EPHA6: variants seen among roughly 807,000 people sequenced by gnomAD.
EPHA6 encodes the protein ephrin type-A receptor 6.
Under a neutral mutation model 112.0 loss-of-function variants are expected in EPHA6, and 50 were observed. The observed-to-expected ratio is 0.45, with a 90% confidence interval of 0.36 to 0.56. The LOEUF (loss-of-function observed/expected upper bound fraction) is 0.56, where lower values mean the gene tolerates loss of function less well. Ranked by LOEUF, EPHA6 falls within the 20% of genes least tolerant of loss-of-function variation. The pLI is 0.00. For missense variants in EPHA6, 1,280 were observed against 1,417.4 expected (o/e 0.90, Z 1.56); for synonymous variants, 529 against 490.7 (o/e 1.08, Z -1.03).
rs2035973206 is a variant in EPHA6, at chr3:97,754,317, A to AC, written c.*5618dup. ...TGGTTAGGCTGGTCTCGAACTCCCGACCTCAGGTGATCTGCCCGCCTCAGC... is the reference window on the plus strand; with the variant it reads ...TGGTTAGGCTGGTCTCGAACTCCCGACCCTCAGGTGATCTGCCCGCCTCAGC... On this transcript the variant is annotated 3_prime_UTR_variant, in exon 18 of 18. Coordinates refer to ENST00000389672, the MANE Select transcript of EPHA6 (RefSeq NM_001080448.3). Among the ~76,000 whole-genome samples, 1 of 152,060 alleles carries AC rather than the reference A, an allele frequency of 6.6e-6. No homozygotes were observed. Among genetic ancestry groups the AC allele is most frequent in the South Asian group, 2.1e-4 (1 of 4,828 alleles).
intron 14 of EPHA6, among the ~76,000 whole-genome samples, chr3:97,658,799 A>G (rs549356853): frequency 1.3e-5 from 2 of 151,924 alleles, no homozygotes; most frequent in Non-Finnish European, 2.9e-5. Flanking sequence ...AAAGCATGAT[A>G]AAACAACACC....
At chr3:97,448,849 C>A in intron 7 of EPHA6, 119 bp downstream of exon 7, 2 of 852,496 alleles carry the variant, frequency 2.3e-6, no homozygotes, top group South Asian at 1.6e-5. Context: ...AGATTTTGTT[C>A]ATGTAAATAC....
intron 5 of EPHA6, among the ~76,000 whole-genome samples, chr3:97,255,414 G>A (rs2079278722): frequency 6.6e-6 from 1 of 152,188 alleles, no homozygotes; most frequent in African/African-American, 2.4e-5. Context: ...TGTGCAGGTA[G>A]TGGTGATGAA....
intron 2 of EPHA6, among the ~76,000 whole-genome samples, chr3:96,877,481 A>T (rs1313400526): frequency 6.6e-6 from 1 of 152,048 alleles, no homozygotes; most frequent in Non-Finnish European, 1.5e-5. Context: ...TCTGAATCAC[A>T]TCTGGGAATT....
chr3:97,543,977 T>G (rs1236281627), intron 11 of EPHA6, among the ~76,000 whole-genome samples: 5 of 152,244 alleles, frequency 3.3e-5, no homozygotes, highest in East Asian at 1.9e-4. Flanking sequence ...CTTATCAGCT[T>G]GTGGAGATTT....
At chr3:97,084,752 G>A (rs1012885574) in intron 3 of EPHA6, among the ~76,000 whole-genome samples, 1 of 151,946 alleles carries the variant, frequency 6.6e-6, no homozygotes, top group Admixed American at 6.6e-5. Flanking sequence ...TATCAGAGAC[G>A]ACACAAACAA....
intron 3 of EPHA6, among the ~76,000 whole-genome samples, chr3:97,131,500 CAAGT>C (rs1342186427): frequency 6.6e-6 from 1 of 152,014 alleles, no homozygotes; most frequent in Non-Finnish European, 1.5e-5. Flanking sequence ...AAAGAATAAA[CAAGT>C]AAGTATGAGG....
chr3:96,915,421 A>G (rs2039435045), intron 2 of EPHA6, among the ~76,000 whole-genome samples: 2 of 152,138 alleles, frequency 1.3e-5, no homozygotes, highest in Non-Finnish European at 2.9e-5. Flanking sequence ...GAATGATTAC[A>G]GACTGCTATT....
chr3:97,499,265 C>A (rs543728707), intron 10 of EPHA6, among the ~76,000 whole-genome samples: 1 of 152,234 alleles, frequency 6.6e-6, no homozygotes, highest in Non-Finnish European at 1.5e-5. Flanking sequence ...GATATAGCTT[C>A]CTTACAGCAC....
In EPHA6 at chr3:97,757,010, T is replaced by G. The variant is rs2036043371; in HGVS notation, c.*8309T>G. On this transcript the variant is annotated 3_prime_UTR_variant, in exon 18 of 18. Transcript: ENST00000389672. ...TGAAGGAATAATTTTTAACAGTCTT[T>G]GTTTCTTAAAATGTTAATTATGGTA... is the stretch of plus-strand genomic sequence containing the variant. Among the ~76,000 whole-genome samples the G allele has an allele frequency of 6.6e-6, 1 of 151,912 alleles. No individual in the cohort carries two copies. The highest frequency in any genetic ancestry group is 1.5e-5 in the Non-Finnish European group (1 of 67,780).
chr3:97,339,797 A>G (rs1291616910), intron 5 of EPHA6, among the ~76,000 whole-genome samples: 1 of 152,230 alleles, frequency 6.6e-6, no homozygotes, highest in East Asian at 1.9e-4. Context: ...CACTGTTTAT[A>G]ACCCTACACT....
At chr3:97,475,153 T>C (rs1031795535) in intron 7 of EPHA6, among the ~76,000 whole-genome samples, 199 bp from the exon 8 acceptor site, 1 of 152,126 alleles carries the variant, frequency 6.6e-6, no homozygotes, top group African/African-American at 2.4e-5. Context: ...ATGTTGTGGG[T>C]TATGGCCCCA....
chr3:97,675,759 C>T (rs2031316004), intron 14 of EPHA6, among the ~76,000 whole-genome samples: 1 of 152,056 alleles, frequency 6.6e-6, no homozygotes, highest in Admixed American at 6.6e-5. Context: ...TAAATTGAAT[C>T]TTACATCAAA....
intron 3 of EPHA6, among the ~76,000 whole-genome samples, chr3:97,008,286 G>GT (rs2043959844): frequency 6.6e-6 from 1 of 151,970 alleles, no homozygotes. Context: ...CATGTTTTTT[G>GT]GAGGCTTTGT....
rs778244763 is a variant in EPHA6, at chr3:96,996,067, T to C, written c.1114+8074T>C. On this transcript the variant is annotated intron_variant, in intron 3 of 17. Transcript: ENST00000389672. ...CTTTATCAACTAAGTTGAAATAATA[T>C]TGTAAACATTTTGCTGTCATTTCAG... 1.2e-4 allele frequency among the ~76,000 whole-genome samples: 19 copies of C among 152,266 alleles called. No individual in the cohort carries two copies. The East Asian group carries it at 1.5e-3, about 12-fold the overall frequency.
intron 2 of EPHA6, among the ~76,000 whole-genome samples, chr3:96,951,957 C>T (rs998077937): frequency 6.6e-6 from 1 of 152,124 alleles, no homozygotes; most frequent in Non-Finnish European, 1.5e-5. Flanking sequence ...AGTTGACTTA[C>T]TGTTTCTCAG....
chr3:97,166,639 G>A (rs1268626199), intron 3 of EPHA6, among the ~76,000 whole-genome samples: 1 of 152,146 alleles, frequency 6.6e-6, no homozygotes, highest in Admixed American at 6.6e-5. Flanking sequence ...TGTTTAGTTT[G>A]TGGACTGCAT....
chr3:96,948,002 T>C (rs2041358473), intron 2 of EPHA6, among the ~76,000 whole-genome samples: 1 of 152,180 alleles, frequency 6.6e-6, no homozygotes, highest in African/African-American at 2.4e-5. Flanking sequence ...GAAACTACAC[T>C]ACAGGGCTAC....
At chr3:97,444,521 A>G (rs575334518) in intron 6 of EPHA6, among the ~76,000 whole-genome samples, 2 of 152,336 alleles carry the variant, frequency 1.3e-5, no homozygotes, top group Admixed American at 1.3e-4. Flanking sequence ...AGAACCTTAT[A>G]CATACCATGA....
Sources: gnomAD v4.1 joint callset for allele counts (sites outside exome capture counted in the v4.1 genomes callset) on GRCh38, gnomAD v4.1.1 for gene constraint, MANE v1.5 for transcripts, NCBI Gene and HGNC (gene_info 2026-07-23, HGNC 2026-07-21) for gene names.